The following VAV1 variants were observed in gnomAD, a reference collection of about 807,000 sequenced individuals.
VAV1 encodes the protein vav guanine nucleotide exchange factor 1.
A neutral mutation model predicts 128.1 loss-of-function variants in VAV1; 33 were observed. That is an observed-to-expected ratio of 0.26 (90% confidence interval 0.20 to 0.34). VAV1 has a LOEUF of 0.34. Ranked by LOEUF, VAV1 falls within the 10% of genes least tolerant of loss-of-function variation. The pLI is 1.00. For synonymous variants in VAV1, 394 were observed against 409.8 expected, an observed-to-expected ratio of 0.96 and a Z score of 0.47; for missense variants, 715 against 1,093.7, an observed-to-expected ratio of 0.65 and a Z score of 4.88.
intron 1 of VAV1, among the ~76,000 whole-genome samples, chr19:6,798,473 T>TAATAAATAAATA (rs372820509): frequency 5.9e-5 from 9 of 151,286 alleles, no homozygotes; most frequent in African/African-American, 2.2e-4. Flanking sequence ...CTCTAATAAA[T>TAATAAATAAATA]AATAAATAAA....
At chr19:6,788,496 CCTAGTAG>C (rs1970945154) in intron 1 of VAV1, among the ~76,000 whole-genome samples, 1 of 136,662 alleles carries the variant, frequency 7.3e-6, no homozygotes, top group Admixed American at 7.0e-5. Context: ...CCTCAGCCTC[CCTAGTAG>C]CTGGGATTAC....
chr19:6,787,591 T>TTTAA (rs1970922457), intron 1 of VAV1, among the ~76,000 whole-genome samples: 2 of 92,414 alleles, frequency 2.2e-5, no homozygotes, highest in South Asian at 5.9e-4. Flanking sequence ...TATTTATTTA[T>TTTAA]TTATTTATTT....
At chr19:6,812,044 C>G (rs1971523838) in intron 1 of VAV1, among the ~76,000 whole-genome samples, 1 of 152,178 alleles carries the variant, frequency 6.6e-6, no homozygotes, top group South Asian at 2.1e-4. Context: ...ATGCTTATGA[C>G]AAATGCTCCT....
chr19:6,850,225 G>GTTTTTTT (rs760967154), intron 23 of VAV1, among the ~76,000 whole-genome samples: 44 of 49,022 alleles, frequency 9.0e-4, no homozygotes, highest in African/African-American at 3.2e-3. Flanking sequence ...TTGTTTCTTT[G>GTTTTTTT]TTTTTTTTTT....
chr19:6,832,021 G>A lies in VAV1; in HGVS notation c.1399-70G>A, dbSNP rs1404743001. The A allele has an allele frequency of 1.5e-5, 20 of 1,316,006 alleles. 1 individual carries two copies. Among genetic ancestry groups the A allele is most frequent in the South Asian group, 2.5e-5 (2 of 81,298 alleles). The allele number at this position is 1,316,006 out of a possible 1,614,324, so 81.5% of individuals were successfully genotyped here. On this transcript the variant is annotated intron_variant, in intron 14 of 26. Coordinates refer to ENST00000602142, the MANE Select transcript of VAV1 (RefSeq NM_005428.4). ...GCTTGCCTGTTCCCTACAGAGGGAG[G>A]GGTGGGTGGGTGTGTGCTCCCACCC...
chr19:6,814,610 CTT>C (rs1223866206), intron 1 of VAV1, among the ~76,000 whole-genome samples: 1 of 147,248 alleles, frequency 6.8e-6, no homozygotes, highest in Non-Finnish European at 1.5e-5. Context: ...GCAAAAATGA[CTT>C]TCTTTCTTTC....
rs564088686 is a variant in VAV1 at position 6,827,553 on chromosome 19, C to T, written c.928-523C>T. ...CCTCTCAAAGAGCTAGGATTACAGGCCTGAGCAATCGTGCCCAGCCTCTTC... is the reference window on the plus strand; with the variant it reads ...CCTCTCAAAGAGCTAGGATTACAGGTCTGAGCAATCGTGCCCAGCCTCTTC... On this transcript the variant is annotated intron_variant, in intron 9 of 26. Coordinates refer to ENST00000602142, the MANE Select transcript of VAV1 (RefSeq NM_005428.4). Among the ~76,000 whole-genome samples the T allele has an allele frequency of 4.6e-5, 7 of 152,146 alleles. No homozygotes were observed. In the South Asian group the frequency reaches 1.0e-3, roughly 23 times the overall value.
At chr19:6,817,366 AAAATGC>A (rs1327347618) in intron 1 of VAV1, among the ~76,000 whole-genome samples, 3 of 152,038 alleles carry the variant, frequency 2.0e-5, no homozygotes, top group African/African-American at 7.2e-5. Context: ...ACCCAGCCAA[AAAATGC>A]AAATATTGTT....
At chr19:6,819,113 C>A (rs2144765172) in intron 1 of VAV1, among the ~76,000 whole-genome samples, 1 of 152,074 alleles carries the variant, frequency 6.6e-6, no homozygotes, top group East Asian at 1.9e-4. Flanking sequence ...GAGACTCCAT[C>A]CCCCTCAAAA....
At chr19:6,833,669 G>A (rs1972147987) in intron 17 of VAV1, 42 bp from the exon 18 acceptor site, 1 of 1,614,124 alleles carries the variant, frequency 6.2e-7, no homozygotes, top group East Asian at 2.2e-5. Context: ...GGTTCTCTTT[G>A]GAGGATTTCC....
At chr19:6,821,350 G>T (rs532633464) in intron 2 of VAV1, among the ~76,000 whole-genome samples, 2 of 152,052 alleles carry the variant, frequency 1.3e-5, no homozygotes, top group African/African-American at 4.8e-5. Context: ...GTAGTGAGCC[G>T]AGATGGTGCC....
At chr19:6,795,657 G>A (rs1971117029) in intron 1 of VAV1, among the ~76,000 whole-genome samples, 1 of 151,882 alleles carries the variant, frequency 6.6e-6, no homozygotes, top group East Asian at 1.9e-4. Context: ...TGGTTTTGGG[G>A]TTTAGTCCAC....
At chr19:6,794,948 G>T (rs541562295) in intron 1 of VAV1, among the ~76,000 whole-genome samples, 11 of 152,122 alleles carry the variant, frequency 7.2e-5, no homozygotes, top group Non-Finnish European at 1.2e-4. Context: ...ATGACTTGAG[G>T]CTATGCTCAG....
At position 6,777,840 on chromosome 19, in the gene VAV1, T is replaced by C. The variant is rs773244906; in HGVS notation, c.204+4829T>C. Among the ~76,000 whole-genome samples the C allele has an allele frequency of 6.6e-5, 10 of 152,240 alleles. No homozygotes were observed. Among genetic ancestry groups the C allele is most frequent in the Admixed American group, 2.0e-4 (3 of 15,276 alleles). ...TTAAATGAGACAGAGCCTTGCTGTCTCCCAGGATGGAGTGCAGTGGCATGG... is the reference window on the plus strand; with the variant it reads ...TTAAATGAGACAGAGCCTTGCTGTCCCCCAGGATGGAGTGCAGTGGCATGG... On this transcript the variant is annotated intron_variant, in intron 1 of 26. Coordinates refer to ENST00000602142, the MANE Select transcript of VAV1 (RefSeq NM_005428.4). The surrounding 1 kb of genome is among the most constrained non-coding windows in gnomAD (Gnocchi z 4.4).
At chr19:6,778,029 C>G (rs990665734) in intron 1 of VAV1, among the ~76,000 whole-genome samples, 1 of 152,118 alleles carries the variant, frequency 6.6e-6, no homozygotes, top group Non-Finnish European at 1.5e-5. Context: ...CTCCTCCTCC[C>G]GGGTTCAAGC....
At chr19:6,811,663 C>T (rs780472452) in intron 1 of VAV1, among the ~76,000 whole-genome samples, 1 of 152,098 alleles carries the variant, frequency 6.6e-6, no homozygotes, top group East Asian at 1.9e-4. Flanking sequence ...TTATTCATCT[C>T]CCTGCATATA....
Position 6,828,990 on chromosome 19 carries a change from G to A in VAV1, c.1265+90G>A. 2 of 1,471,582 alleles carry A rather than the reference G, an allele frequency of 1.4e-6. No homozygotes were observed. Among genetic ancestry groups the A allele is most frequent in the Non-Finnish European group, 1.9e-6 (2 of 1,065,262 alleles). 91.2% of individuals were successfully genotyped at this position (1,471,582 alleles called of 1,614,324 possible). ...TGGGCAGGTGGGTGGAGTCAACACA[G>A]ATCTGGGTGGAGCCTGGGCAGGGGC... On this transcript the variant is annotated intron_variant, in intron 13 of 26. Transcript: ENST00000602142. The surrounding 1 kb of genome is among the most constrained non-coding windows in gnomAD (Gnocchi z 4.5).
intron 1 of VAV1, among the ~76,000 whole-genome samples, chr19:6,773,847 G>A (rs398118): frequency 2.0e-4 from 31 of 152,246 alleles, no homozygotes; most frequent in African/African-American, 7.0e-4. Flanking sequence ...GGTTCCCCAG[G>A]GCTGCTGGGT....
chr19:6,841,484 T>TC (rs937160209), intron 21 of VAV1, among the ~76,000 whole-genome samples: 1 of 150,794 alleles, frequency 6.6e-6, no homozygotes, highest in Non-Finnish European at 1.5e-5. Context: ...TTTTCTTTTT[T>TC]TTTTTTTTTG....
Sources: allele counts gnomAD v4.1 joint callset (sites outside exome capture counted in the v4.1 genomes callset), GRCh38; gene constraint gnomAD v4.1.1; non-coding constraint Gnocchi (gnomAD v3.1); transcripts MANE v1.5; gene names NCBI Gene and HGNC (gene_info 2026-07-23, HGNC 2026-07-21).